The following DPP10 variants were observed in gnomAD, a reference collection of about 807,000 sequenced individuals.
DPP10 encodes the protein dipeptidyl peptidase like 10, also known as inactive dipeptidyl peptidase 10.
In DPP10, 33 loss-of-function variants were observed where a neutral mutation model predicts 120.9. The observed-to-expected ratio is 0.27, with a 90% CI of 0.21 to 0.37. The LOEUF is 0.37. Ranked by LOEUF, DPP10 falls within the 10% of genes least tolerant of loss-of-function variation. DPP10 has a pLI of 1.00. For synonymous variants in DPP10, 337 were observed against 326.1 expected, an observed-to-expected ratio of 1.03 and a Z score of -0.36; for missense variants, 816 against 942.8, an observed-to-expected ratio of 0.87 and a Z score of 1.76.
intron 1 of DPP10, among the ~76,000 whole-genome samples, chr2:114,819,541 C>T (rs1191997068): frequency 6.6e-6 from 1 of 152,182 alleles, no homozygotes; most frequent in African/African-American, 2.4e-5. Context: ...ACATTGTAAT[C>T]ATGCATCAGT....
At chr2:114,840,687 G>A (rs1380359030) in intron 1 of DPP10, among the ~76,000 whole-genome samples, 1 of 152,090 alleles carries the variant, frequency 6.6e-6, no homozygotes, top group East Asian at 1.9e-4. Flanking sequence ...CTGTTGTACT[G>A]CCTCCTCCAA....
At chr2:115,803,939 G>T (rs945299557) in intron 19 of DPP10, among the ~76,000 whole-genome samples, 57 of 152,094 alleles carry the variant, frequency 3.7e-4, no homozygotes, top group Non-Finnish European at 6.6e-4. Context: ...CAGTATCTTT[G>T]TGGCATTCTC....
At chr2:114,595,825 G>C (rs1449434114) in intron 1 of DPP10, among the ~76,000 whole-genome samples, 2 of 152,096 alleles carry the variant, frequency 1.3e-5, no homozygotes, top group African/African-American at 4.8e-5. Context: ...TACTACTTCA[G>C]GCACCTGGAG....
chr2:115,699,052 A>AAAAAAAAAAAAAAAC (rs2091760937), intron 7 of DPP10, among the ~76,000 whole-genome samples: 2 of 143,154 alleles, frequency 1.4e-5, no homozygotes, highest in African/African-American at 5.1e-5. Flanking sequence ...AAAAAAAACA[A>AAAAAAAAAAAAAAAC]GAGAAGACTC....
intron 1 of DPP10, among the ~76,000 whole-genome samples, chr2:115,279,655 C>T (rs890953950): frequency 0.011 from 469 of 42,424 alleles, no homozygotes; most frequent in Middle Eastern, 0.022. Context: ...TTTTCTTCTT[C>T]TTTTTTTTTT....
rs1322283793 is a variant in DPP10, at chr2:115,791,162, T to C, written c.1613T>C (p.Leu538Pro). 3 of 1,613,412 alleles carry C rather than the reference T, an allele frequency of 1.9e-6. No homozygotes were observed. The highest frequency in any genetic ancestry group is 2.5e-6 in the Non-Finnish European group (3 of 1,179,728). ...KKIGKPEIKI[L>P]HIDDYELPLQ... ...ATAGGAAAGCCAGAAATTAAAATCC[T>C]TCATATTGACGACTATGGTAAAATT... is the stretch of plus-strand genomic sequence containing the variant. Residue 538 changes from leucine (L) to proline (P), a missense_variant, in exon 18 of 26, where the codon CTT (leucine) becomes CCT (proline). Leu to Pro is a moderately conservative substitution (Grantham distance 98). Around this residue, in one of 3 missense-constraint regions of DPP10, gnomAD observed 592 missense variants for 649.0 expected, o/e 0.91. Coordinates refer to ENST00000410059, the MANE Select transcript of DPP10 (RefSeq NM_020868.6).
At chr2:114,535,809 C>A (rs1264206701) in intron 1 of DPP10, among the ~76,000 whole-genome samples, 7 of 152,150 alleles carry the variant, frequency 4.6e-5, no homozygotes, top group Non-Finnish European at 1.0e-4. Context: ...AAACTTAGAG[C>A]AGCATCAAAA....
At chr2:115,797,651 GA>G (rs1413000764) in intron 19 of DPP10, among the ~76,000 whole-genome samples, 1 of 151,938 alleles carries the variant, frequency 6.6e-6, no homozygotes, top group Non-Finnish European at 1.5e-5. Context: ...TGACTAAGAA[GA>G]AAAAAGGCAG....
rs182104594 is a variant in DPP10, at chr2:115,648,722, G to A, written c.442-40965G>A. Among the ~76,000 whole-genome samples, 791 of 152,214 alleles carry A rather than the reference G, an allele frequency of 5.2e-3. 7 individuals are homozygous for A. The highest frequency in any genetic ancestry group is 0.018 in the African/African-American group (756 of 41,538). On this transcript the variant is annotated intron_variant, in intron 5 of 25. Transcript: ENST00000410059. ...GTAATTTACATAGATTATCCCAAGG[G>A]AGGAAGGATAGGTAGTGTGAACCTC... is the stretch of plus-strand genomic sequence containing the variant.
At chr2:115,022,935 T>G (rs1215438393) in intron 1 of DPP10, among the ~76,000 whole-genome samples, 1 of 152,066 alleles carries the variant, frequency 6.6e-6, no homozygotes, top group Non-Finnish European at 1.5e-5. Flanking sequence ...GCTGAGATAA[T>G]TGGCAAGCCA....
chr2:115,590,953 G>T (rs1283116221), intron 5 of DPP10, among the ~76,000 whole-genome samples: 4 of 152,198 alleles, frequency 2.6e-5, no homozygotes, highest in Admixed American at 2.6e-4. Context: ...TCTGTTGGCT[G>T]CATAAATGTC....
intron 22 of DPP10, 45 bp downstream of exon 22, chr2:115,836,301 T>C (rs1689521433): frequency 1.9e-6 from 3 of 1,549,376 alleles, no homozygotes; most frequent in African/African-American, 1.4e-5. Flanking sequence ...TATTGATTTG[T>C]AGAAAACGAA....
chr2:115,545,359 G>C (rs1350510988), intron 5 of DPP10, among the ~76,000 whole-genome samples: 1 of 152,086 alleles, frequency 6.6e-6, no homozygotes, highest in Non-Finnish European at 1.5e-5. Flanking sequence ...CCTTTCATTT[G>C]AAGAGTTCAC....
chr2:114,686,410 T>C (rs1050907063), intron 1 of DPP10, among the ~76,000 whole-genome samples: 5 of 151,882 alleles, frequency 3.3e-5, no homozygotes, highest in African/African-American at 1.2e-4. Flanking sequence ...CAAAACTCTA[T>C]GATACTTCAC....
Position 115,265,925 on chromosome 2 carries a change from T to TG in DPP10, c.61-43312dup, listed in dbSNP as rs974776751. Among the ~76,000 whole-genome samples the TG allele has an allele frequency of 4.8e-5, 7 of 145,412 alleles. No homozygotes were observed. The Admixed American group carries it at 4.9e-4, about 10-fold the overall frequency. ...TGCCACTGCAATCCAGCCTGAGCGA[T>TG]GGAGCGAGACTCTATTTCAAAAAAA... On this transcript the variant is annotated intron_variant, in intron 1 of 25. Coordinates refer to ENST00000410059, the MANE Select transcript of DPP10 (RefSeq NM_020868.6).
chr2:115,137,486 A>G (rs1460936440), intron 1 of DPP10, among the ~76,000 whole-genome samples: 1 of 152,194 alleles, frequency 6.6e-6, no homozygotes, highest in African/African-American at 2.4e-5. Context: ...CGACATAGGG[A>G]GAGAAATGCG....
intron 3 of DPP10, among the ~76,000 whole-genome samples, chr2:115,381,167 C>T (rs751788700): frequency 7.2e-5 from 11 of 152,164 alleles, no homozygotes; most frequent in Non-Finnish European, 1.2e-4. Flanking sequence ...TGGTTCCATT[C>T]TCCCCGTCAC....
chr2:115,693,787 T>C (rs1426457551), intron 7 of DPP10, among the ~76,000 whole-genome samples: 1 of 152,156 alleles, frequency 6.6e-6, no homozygotes, highest in Non-Finnish European at 1.5e-5. Flanking sequence ...TAGCTGTTGA[T>C]CTTGAGAACA....
chr2:114,920,319 A>C (rs1286103617), intron 1 of DPP10, among the ~76,000 whole-genome samples: 1 of 152,228 alleles, frequency 6.6e-6, no homozygotes, highest in South Asian at 2.1e-4. Context: ...GGAAGAATGT[A>C]TAAGGCTGAT....
Sources: gnomAD v4.1 joint callset for allele counts (sites outside exome capture counted in the v4.1 genomes callset) on GRCh38, gnomAD v4.1.1 for gene constraint, gnomAD v4.1.1 regional missense constraint, MANE v1.5 for transcripts, NCBI Gene and HGNC (gene_info 2026-07-23, HGNC 2026-07-21) for gene names.